The following FYN variants were observed in gnomAD, a reference collection of about 807,000 sequenced individuals.
FYN encodes the protein tyrosine-protein kinase Fyn.
A neutral mutation model predicts 70.2 loss-of-function variants in FYN; 10 were observed. The ratio of observed to expected loss-of-function variants is 0.14; its 90% CI spans 0.09 to 0.24. The LOEUF (loss-of-function observed/expected upper bound fraction) is 0.24, where lower values mean the gene tolerates loss of function less well. Among genes scored for constraint, FYN ranks in the 10% least tolerant of loss-of-function variants. The probability of loss-of-function intolerance (pLI) is 1.00; values close to 1 mark genes in which losing one functional copy is unlikely to be tolerated. For missense variants in FYN, 319 were observed against 673.1 expected (o/e 0.47, Z 5.82); for synonymous variants, 236 against 248.6 (o/e 0.95, Z 0.48).
At chr6:111,679,845 G>A (rs1386086535) in intron 12 of FYN, among the ~76,000 whole-genome samples, 1 of 152,108 alleles carries the variant, frequency 6.6e-6, no homozygotes, top group Non-Finnish European at 1.5e-5. Context: ...CCCATACTTT[G>A]TTCTCTGAGG....
At chr6:111,741,675 A>G (rs1157980209) in intron 3 of FYN, among the ~76,000 whole-genome samples, 1 of 152,224 alleles carries the variant, frequency 6.6e-6, no homozygotes, top group East Asian at 1.9e-4. Context: ...CTTAGAGGAC[A>G]TTTGGTCCAA....
intron 3 of FYN, among the ~76,000 whole-genome samples, chr6:111,740,013 G>A (rs926408867): frequency 1.1e-4 from 16 of 152,086 alleles, no homozygotes; most frequent in African/African-American, 3.9e-4. Flanking sequence ...TAGTAGAGAT[G>A]GGGTTTCACC....
At chr6:111,700,070 A>G in intron 9 of FYN, 34 bp downstream of exon 9, 5 of 1,595,748 alleles carry the variant, frequency 3.1e-6, no homozygotes, top group Non-Finnish European at 4.3e-6. Flanking sequence ...CCAAACGGGG[A>G]AGCTAATAAG....
intron 2 of FYN, among the ~76,000 whole-genome samples, chr6:111,823,464 T>C (rs1020455184): frequency 6.6e-6 from 1 of 152,230 alleles, no homozygotes; most frequent in Non-Finnish European, 1.5e-5. Context: ...GTTACGGCTT[T>C]CTGTAAGCTT....
intron 12 of FYN, 48 bp from the exon 13 acceptor site, chr6:111,674,678 G>A (rs371443548): frequency 1.9e-6 from 3 of 1,584,814 alleles, no homozygotes; most frequent in Middle Eastern, 1.7e-4. Flanking sequence ...GCACTGCAAT[G>A]GGCATGGGGT....
intron 12 of FYN, among the ~76,000 whole-genome samples, chr6:111,681,799 G>A (rs556790766): frequency 9.2e-5 from 14 of 152,244 alleles, no homozygotes; most frequent in Middle Eastern, 3.4e-3. Flanking sequence ...GGGCACATGA[G>A]GTGGATGCCA....
chr6:111,686,121 C>T (rs1458604424), intron 12 of FYN, among the ~76,000 whole-genome samples: 2 of 152,008 alleles, frequency 1.3e-5, no homozygotes, highest in Admixed American at 6.5e-5. Context: ...AAAATGGATG[C>T]GCTCTACAAT....
chr6:111,833,530 G>A (rs1473158497), intron 2 of FYN, among the ~76,000 whole-genome samples: 1 of 152,054 alleles, frequency 6.6e-6, no homozygotes, highest in African/African-American at 2.4e-5. Context: ...GAGAGAAACG[G>A]GTGTTTCCAT....
intron 12 of FYN, chr6:111,676,667 C>T (rs551942306): frequency 2.4e-4 from 36 of 152,328 alleles, no homozygotes; most frequent in Middle Eastern, 3.4e-3. Flanking sequence ...ACATTCATTC[C>T]TATTTAAACC....
chr6:111,719,121 A>C (rs1184601313), intron 4 of FYN, among the ~76,000 whole-genome samples: 1 of 152,240 alleles, frequency 6.6e-6, no homozygotes, highest in East Asian at 1.9e-4. Flanking sequence ...AATGTGAAAT[A>C]TCTAGTTACC....
chr6:111,794,790 G>A (rs6939256), intron 2 of FYN, among the ~76,000 whole-genome samples: 23,531 of 152,078 alleles, frequency 0.15, 2,691 homozygotes, highest in African/African-American at 0.33. Context: ...TGTATGGCCC[G>A]CAAAGATGAA....
chr6:111,669,540 G>A (rs1024688181), intron 13 of FYN, among the ~76,000 whole-genome samples: 2 of 151,690 alleles, frequency 1.3e-5, no homozygotes, highest in Non-Finnish European at 2.9e-5. Flanking sequence ...AGAATAGCCA[G>A]GACACTCTGC....
chr6:111,738,591 G>A (rs1801809099), intron 3 of FYN, among the ~76,000 whole-genome samples: 1 of 152,226 alleles, frequency 6.6e-6, no homozygotes, highest in African/African-American at 2.4e-5. Flanking sequence ...CCAGCTGCCT[G>A]CTCTTCCCTC....
chr6:111,854,998 A>C (rs2114503016), intron 1 of FYN, among the ~76,000 whole-genome samples: 1 of 152,204 alleles, frequency 6.6e-6, no homozygotes, highest in East Asian at 1.9e-4. Context: ...TTTTGGATGA[A>C]ATGTCTGTTG....
At chr6:111,681,195 T>G (rs1798767423) in intron 12 of FYN, among the ~76,000 whole-genome samples, 1 of 152,088 alleles carries the variant, frequency 6.6e-6, no homozygotes, top group Admixed American at 6.5e-5. Flanking sequence ...GCCTGGCTAA[T>G]TTTTGTATTT....
intron 2 of FYN, among the ~76,000 whole-genome samples, chr6:111,843,038 C>T (rs1773411709): frequency 6.6e-6 from 1 of 152,186 alleles, no homozygotes; most frequent in Non-Finnish European, 1.5e-5. Context: ...ATCAAATAGG[C>T]AGTAGTGTTT....
chr6:111,789,045 A>AGAGGAG (rs750714031), intron 2 of FYN, among the ~76,000 whole-genome samples: 2 of 152,032 alleles, frequency 1.3e-5, no homozygotes, highest in African/African-American at 4.8e-5. Context: ...CAGAGAGAGA[A>AGAGGAG]GAGGAGGAGG....
intron 2 of FYN, among the ~76,000 whole-genome samples, chr6:111,805,171 T>C (rs1392117331): frequency 1.3e-5 from 2 of 152,068 alleles, no homozygotes; most frequent in Admixed American, 6.6e-5. Flanking sequence ...GCAGGAACAC[T>C]ATCTTTGAAG....
intron 12 of FYN, among the ~76,000 whole-genome samples, chr6:111,679,344 G>T (rs1798686500): frequency 1.3e-5 from 2 of 152,022 alleles, no homozygotes; most frequent in African/African-American, 4.8e-5. Flanking sequence ...CTTTTTTTCA[G>T]TAAATATTGC....
Sources: allele counts gnomAD v4.1 joint callset (sites outside exome capture counted in the v4.1 genomes callset), GRCh38; gene constraint gnomAD v4.1.1; transcripts MANE v1.5; gene names NCBI Gene and HGNC (gene_info 2026-07-23, HGNC 2026-07-21).